Variants in CENPI observed in about 807,000 individuals in gnomAD.
CENPI encodes FSH primary response 1.
Under a neutral mutation model 60.4 loss-of-function variants are expected in CENPI, and 4 were observed. The observed-to-expected ratio is 0.07, with a 90% CI of 0.03 to 0.15. The LOEUF (loss-of-function observed/expected upper bound fraction) is 0.15, where lower values mean the gene tolerates loss of function less well. Ranked by LOEUF, CENPI falls within the 10% of genes least tolerant of loss-of-function variation. CENPI has a pLI of 1.00. For missense variants in CENPI, 444 were observed against 534.5 expected (o/e 0.83, Z 1.67); for synonymous variants, 157 against 189.4 (o/e 0.83, Z 1.40).
At chrX:101,104,446 C>T (rs757013507) in intron 4 of CENPI, among the ~76,000 whole-genome samples, 14 of 112,035 alleles carry the variant, frequency 1.2e-4, no homozygotes, top group African/African-American at 4.5e-4. Flanking sequence ...AGACTCTAAA[C>T]ACTCTCATTT....
In CENPI at chrX:101,102,467, T is replaced by C. The variant is rs1198677816; in HGVS notation, c.364+56T>C. ...TAACTCACCTAGCACCTATATTTTTTTCTTTTAAAAATAAATCTTATATAT... is the reference window on the plus strand; with the variant it reads ...TAACTCACCTAGCACCTATATTTTTCTCTTTTAAAAATAAATCTTATATAT... On this transcript the variant is annotated intron_variant, in intron 4 of 21. Transcript: ENST00000682095. 76 of 781,999 alleles carry C rather than the reference T, an allele frequency of 9.7e-5. No individual in the cohort carries two copies. The East Asian group carries it at 2.7e-3, about 28-fold the overall frequency. 64.4% of individuals were successfully genotyped at this position (781,999 alleles called of 1,213,427 possible). A position where few individuals can be genotyped will look rare whatever the true frequency, so the allele number is the denominator to read the frequency against.
chrX:101,100,054 G>A (rs1569496864), intron 2 of CENPI: 1 of 110,577 alleles, frequency 9.0e-6, no homozygotes, highest in Non-Finnish European at 1.9e-5. Flanking sequence ...CTCCCGAAGT[G>A]CTGTATTACA....
At chrX:101,181,266 C>T in the CENPI span, among the ~76,000 whole-genome samples, 3 of 111,392 alleles carry the variant, frequency 2.7e-5, no homozygotes, top group Non-Finnish European at 3.8e-5. Flanking sequence ...TATTCTTCTT[C>T]AATATTGCCT....
At chrX:101,140,128 A>G (rs113116033) in intron 15 of CENPI, among the ~76,000 whole-genome samples, 1,474 of 111,806 alleles carry the variant, frequency 0.013, 9 homozygotes, top group Middle Eastern at 0.085. Context: ...GAGCCACCGC[A>G]CCCAGCCCAT....
chrX:101,115,352 A>G (rs1288561542), intron 6 of CENPI, among the ~76,000 whole-genome samples: 1 of 108,715 alleles, frequency 9.2e-6, no homozygotes, highest in Non-Finnish European at 1.9e-5. Flanking sequence ...TGGCACTATC[A>G]TGGCTCACTG....
chrX:101,151,705 G>A (rs985484269), intron 20 of CENPI, among the ~76,000 whole-genome samples: 1 of 108,729 alleles, frequency 9.2e-6, no homozygotes, highest in Non-Finnish European at 1.9e-5. Flanking sequence ...GTGGTGGCAC[G>A]TGCCTGTAGT....
intron 8 of CENPI, among the ~76,000 whole-genome samples, chrX:101,124,615 G>A (rs5967246): frequency 0.038 from 4,174 of 110,980 alleles, 236 homozygotes; most frequent in African/African-American, 0.13. Flanking sequence ...CCCACATGTC[G>A]TGGGAGGGAC....
chrX:101,100,776 C>T (rs2089405899), intron 2 of CENPI: 2 of 281,417 alleles, frequency 7.1e-6, no homozygotes, highest in African/African-American at 5.4e-5. Context: ...TAAGAGAGAA[C>T]TTGCATATGT....
chrX:101,132,598 C>T (rs769045829), intron 15 of CENPI, 142 bp downstream of exon 15: 1 of 481,054 alleles, frequency 2.1e-6, no homozygotes, highest in Non-Finnish European at 3.4e-6. Flanking sequence ...CATCACTCAA[C>T]TCAAAGTTAA....
intron 6 of CENPI, among the ~76,000 whole-genome samples, chrX:101,110,332 C>A (rs1020387340): frequency 8.9e-6 from 1 of 111,966 alleles, no homozygotes; most frequent in African/African-American, 3.2e-5. Context: ...TCATTGCCAT[C>A]TTTTCCCTTT....
intron 20 of CENPI, among the ~76,000 whole-genome samples, chrX:101,149,046 T>C (rs1339842170): frequency 9.0e-6 from 1 of 110,807 alleles, no homozygotes; most frequent in Admixed American, 9.7e-5. Flanking sequence ...TAGAGGATGA[T>C]GAAAAAATAT....
the CENPI span, among the ~76,000 whole-genome samples, chrX:101,181,842 A>C: frequency 8.9e-6 from 1 of 112,574 alleles, no homozygotes. Context: ...AGGAGAGTGA[A>C]CATCCCTTTA....
At chrX:101,134,341 A>C (rs1425999506) in intron 15 of CENPI, among the ~76,000 whole-genome samples, 4 of 111,766 alleles carry the variant, frequency 3.6e-5, no homozygotes, top group African/African-American at 1.3e-4. Flanking sequence ...AAGACATTAA[A>C]ATACTTTGTG....
At chrX:101,142,582 A>G (rs1435167949) in intron 16 of CENPI, among the ~76,000 whole-genome samples, 1 of 110,987 alleles carries the variant, frequency 9.0e-6, no homozygotes, top group African/African-American at 3.3e-5. Flanking sequence ...GCGACTGGGA[A>G]GAGGTTGCAA....
rs150691863 is a variant in CENPI, at chrX:101,154,464, C to T, written c.2094+6303C>T. On this transcript the variant is annotated intron_variant, in intron 20 of 21. Coordinates refer to ENST00000682095, the MANE Select transcript of CENPI (RefSeq NM_001386188.2). ...TGGCATGCACCTGTAATCCCAGCTA[C>T]CAGCTACTCGAGAGGCTGAGGCAGG... 6.3e-3 allele frequency among the ~76,000 whole-genome samples: 704 copies of T among 110,997 alleles called. 3 individuals carry two copies. Among genetic ancestry groups the T allele is most frequent in the Non-Finnish European group, 0.011 (570 of 53,023 alleles).
chrX:101,148,775 A>G (rs1177578890), intron 20 of CENPI, among the ~76,000 whole-genome samples: 1 of 111,836 alleles, frequency 8.9e-6, no homozygotes, highest in Non-Finnish European at 1.9e-5. Context: ...TGGAATTACA[A>G]ATACCCTGAA....
At chrX:101,159,166 T>C (rs1352899665) in intron 20 of CENPI, among the ~76,000 whole-genome samples, 2 of 110,432 alleles carry the variant, frequency 1.8e-5, no homozygotes, top group Non-Finnish European at 3.8e-5. Context: ...AATGAGAAAA[T>C]GACCCTTTTT....
At position 101,137,989 on chromosome X, in the gene CENPI, T is replaced by TC. The variant is rs796970994; in HGVS notation, c.1471-2677_1471-2676insC. Among the ~76,000 whole-genome samples, 14 of 68,277 alleles carry TC rather than the reference T, an allele frequency of 2.1e-4. 2 individuals are homozygous for TC. Among genetic ancestry groups the TC allele is most frequent in the Admixed American group, 1.8e-4 (1 of 5,621 alleles). 59.3% of individuals were successfully genotyped at this position (68,277 alleles called of 115,157 possible). On this transcript the variant is annotated intron_variant, in intron 15 of 21. Coordinates refer to ENST00000682095, the MANE Select transcript of CENPI (RefSeq NM_001386188.2). ...ACCTTGTTTGTTTGTGTTTTTTCTT[T>TC]TTTTTTTTTTTTTTAAAGATAGAGT...
Position 101,101,279 on chromosome X carries a change from T to A in CENPI, c.209T>A (p.Val70Glu). The A allele has an allele frequency of 1.7e-6, 2 of 1,186,465 alleles. No homozygotes were observed. Among genetic ancestry groups the A allele is most frequent in the Non-Finnish European group, 2.3e-6 (2 of 872,579 alleles). The change falls in exon 3 of 22, where the codon GTG becomes GAG. Residue 70 changes from valine to glutamate, a missense_variant. Val to Glu is a moderately radical substitution (Grantham distance 121, BLOSUM62 -2). Coordinates refer to ENST00000682095, the MANE Select transcript of CENPI (RefSeq NM_001386188.2). ...GAAGAAGATGCTTTGCAAATGGCAG[T>A]GGGATATTTTGAGAAAGGTAAAGGT... is the stretch of plus-strand genomic sequence containing the variant. ...QAEEDALQMA[V>E]GYFEKGPIKA...
Sources: gnomAD v4.1 joint callset for allele counts (sites outside exome capture counted in the v4.1 genomes callset) on GRCh38, gnomAD v4.1.1 for gene constraint, MANE v1.5 for transcripts, NCBI Gene and HGNC (gene_info 2026-07-23, HGNC 2026-07-21) for gene names.